The following NRCAM variants were observed in gnomAD, a reference collection of about 807,000 sequenced individuals.
The protein encoded by NRCAM is neuronal cell adhesion molecule, also known as NgCAM-related cell adhesion molecule.
NRCAM carries 83 observed loss-of-function variants against 156.5 expected under a neutral mutation model. The observed-to-expected ratio is 0.53, with a 90% CI of 0.44 to 0.64. The LOEUF is 0.64. Ranked by LOEUF, NRCAM falls within the 30% of genes least tolerant of loss-of-function variation. The probability of loss-of-function intolerance (pLI) is 0.00; values close to 1 mark genes in which losing one functional copy is unlikely to be tolerated. For synonymous variants in NRCAM, 538 were observed against 563.9 expected (o/e 0.95, Z 0.65); for missense variants, 1,417 against 1,597.3 (o/e 0.89, Z 1.92).
At chr7:108,290,998 G>A (rs1367088127) in intron 3 of NRCAM, among the ~76,000 whole-genome samples, 1 of 152,196 alleles carries the variant, frequency 6.6e-6, no homozygotes, top group Non-Finnish European at 1.5e-5. Context: ...CACTTTCAGA[G>A]AGAAATCTTT....
intron 2 of NRCAM, among the ~76,000 whole-genome samples, chr7:108,356,217 G>A (rs1362368822): frequency 6.6e-6 from 1 of 152,188 alleles, no homozygotes; most frequent in Admixed American, 6.5e-5. Flanking sequence ...AAAGTGCTGG[G>A]ATTACAGGCA....
rs1277074938 is a variant in NRCAM at position 108,148,847 on chromosome 7, C to T, written c.*1063G>A. 1 of 152,492 alleles carries T rather than the reference C, an allele frequency of 6.6e-6. No individual in the cohort carries two copies. Among genetic ancestry groups the T allele is most frequent in the Non-Finnish European group, 1.5e-5 (1 of 68,018 alleles). The allele number at this position is 152,492 out of a possible 1,614,324, so 9.4% of individuals were successfully genotyped here. The stretch of plus-strand genomic sequence containing the variant: ...TAAAGGACCACAAAATCATCATGTG[C>T]TTCAGTTGGCAACAAAGATTTTCTT... On this transcript the variant is annotated 3_prime_UTR_variant, in exon 33 of 33. Coordinates refer to ENST00000379028, the MANE Select transcript of NRCAM (RefSeq NM_001037132.4).
chr7:108,312,098 A>G (rs1413121518), intron 3 of NRCAM, among the ~76,000 whole-genome samples: 1 of 152,162 alleles, frequency 6.6e-6, no homozygotes, highest in Non-Finnish European at 1.5e-5. Context: ...AATGGCATAA[A>G]TAAGAATGGG....
chr7:108,341,047 A>G (rs1326492815), intron 2 of NRCAM, among the ~76,000 whole-genome samples: 1 of 152,184 alleles, frequency 6.6e-6, no homozygotes, highest in Non-Finnish European at 1.5e-5. Context: ...GGCAAATCCA[A>G]TGCCTAATAG....
At chr7:108,197,112 A>G (rs2075565161) in intron 14 of NRCAM, among the ~76,000 whole-genome samples, 1 of 152,208 alleles carries the variant, frequency 6.6e-6, no homozygotes, top group African/African-American at 2.4e-5. Context: ...CAGGCCAGAT[A>G]CAGAAAGACA....
chr7:108,305,080 G>T (rs981606006), intron 3 of NRCAM, among the ~76,000 whole-genome samples: 2 of 152,036 alleles, frequency 1.3e-5, no homozygotes, highest in Non-Finnish European at 2.9e-5. Flanking sequence ...GAAGACCCAG[G>T]GGAAAATTTA....
At chr7:108,431,693 G>T (rs1385466381) in intron 1 of NRCAM, among the ~76,000 whole-genome samples, 1 of 152,176 alleles carries the variant, frequency 6.6e-6, no homozygotes, top group East Asian at 1.9e-4. Flanking sequence ...GCTGAGGTAG[G>T]AAAATCACTT....
intron 5 of NRCAM, 131 bp from the exon 6 acceptor site, chr7:108,234,819 T>C: frequency 2.6e-6 from 2 of 780,002 alleles, no homozygotes; most frequent in South Asian, 2.7e-5. Context: ...ATTTCTAGTG[T>C]AGCAGCATAT....
At position 108,312,882 on chromosome 7, in the gene NRCAM, G is replaced by A. The variant is rs116604198; in HGVS notation, c.-173-151C>T. Among the ~76,000 whole-genome samples the A allele has an allele frequency of 5.6e-3, 851 of 152,190 alleles. 8 individuals are homozygous for A. Among genetic ancestry groups the A allele is most frequent in the African/African-American group, 0.019 (793 of 41,528 alleles). On this transcript the variant is annotated intron_variant, in intron 2 of 32. Coordinates refer to ENST00000379028, the MANE Select transcript of NRCAM (RefSeq NM_001037132.4). ...AGGAAGACAAATCATGACTAGATTTGCCAAAACATATCTCTGCTGGCTTCA... is the reference window on the plus strand; with the variant it reads ...AGGAAGACAAATCATGACTAGATTTACCAAAACATATCTCTGCTGGCTTCA...
chr7:108,447,259 CT>C (rs34273772), intron 1 of NRCAM, among the ~76,000 whole-genome samples: 19,791 of 83,916 alleles, frequency 0.24, 1,485 homozygotes, highest in Non-Finnish European at 0.27. Flanking sequence ...TCACTTCTTT[CT>C]TTTTTTTTTT....
chr7:108,375,780 A>G (rs866119431), intron 2 of NRCAM, among the ~76,000 whole-genome samples: 3 of 152,320 alleles, frequency 2.0e-5, no homozygotes, highest in East Asian at 1.9e-4. Context: ...ACTGCATTTG[A>G]TATGTACAAA....
intron 3 of NRCAM, among the ~76,000 whole-genome samples, chr7:108,281,830 T>C (rs2154091663): frequency 6.6e-6 from 1 of 152,366 alleles, no homozygotes; most frequent in African/African-American, 2.4e-5. Context: ...AAACTGGATG[T>C]AATAATAACC....
At chr7:108,188,076 T>C (rs949277592) in intron 20 of NRCAM, among the ~76,000 whole-genome samples, 3 of 152,222 alleles carry the variant, frequency 2.0e-5, no homozygotes, top group Middle Eastern at 3.4e-3. Flanking sequence ...CTGACATCTG[T>C]AACAGGAAGT....
At chr7:108,388,756 T>C (rs368915843) in intron 2 of NRCAM, among the ~76,000 whole-genome samples, 1 of 152,102 alleles carries the variant, frequency 6.6e-6, no homozygotes, top group African/African-American at 2.4e-5. Flanking sequence ...AGGAAGGGAT[T>C]CAGTTTCAGC....
At chr7:108,350,169 C>T (rs2099401312) in intron 2 of NRCAM, among the ~76,000 whole-genome samples, 1 of 152,202 alleles carries the variant, frequency 6.6e-6, no homozygotes, top group Non-Finnish European at 1.5e-5. Flanking sequence ...AATGTTCCCT[C>T]TATACTCTCT....
chr7:108,337,448 C>G (rs933131322), intron 2 of NRCAM, among the ~76,000 whole-genome samples: 1 of 152,206 alleles, frequency 6.6e-6, no homozygotes, highest in East Asian at 1.9e-4. Flanking sequence ...CCACTGCTGA[C>G]TTCCATCCCT....
intron 32 of NRCAM, among the ~76,000 whole-genome samples, chr7:108,155,382 G>C (rs374410638): frequency 6.6e-6 from 1 of 151,732 alleles, no homozygotes; most frequent in South Asian, 2.1e-4. Context: ...CACCTACAAA[G>C]TATCCAGTAT....
intron 1 of NRCAM, among the ~76,000 whole-genome samples, chr7:108,449,367 C>T (rs1847831435): frequency 6.6e-6 from 1 of 152,170 alleles, no homozygotes; most frequent in Admixed American, 6.5e-5. Flanking sequence ...CCCAGCTCCC[C>T]CCTCCCTTCA....
chr7:108,261,137 G>C (rs899409553), intron 3 of NRCAM, among the ~76,000 whole-genome samples: 2 of 152,126 alleles, frequency 1.3e-5, no homozygotes, highest in African/African-American at 4.8e-5. Flanking sequence ...AGCTGACTTG[G>C]AAATATTCCC....
Sources: gnomAD v4.1 joint callset for allele counts (sites outside exome capture counted in the v4.1 genomes callset) on GRCh38, gnomAD v4.1.1 for gene constraint, MANE v1.5 for transcripts, NCBI Gene and HGNC (gene_info 2026-07-23, HGNC 2026-07-21) for gene names.